Variants in NALCN observed in about 807,000 individuals in gnomAD.
NALCN encodes the protein sodium leak channel, non-selective.
In NALCN, 111 loss-of-function variants were observed where a neutral mutation model predicts 225.3. That is an observed-to-expected ratio of 0.49 (90% CI 0.42 to 0.58). The LOEUF (loss-of-function observed/expected upper bound fraction) is 0.58. Ranked by LOEUF, NALCN falls within the 20% of genes least tolerant of loss-of-function variation. The probability of loss-of-function intolerance (pLI) is 0.00; values close to 1 mark genes in which losing one functional copy is unlikely to be tolerated. For missense variants in NALCN, 1,378 were observed against 2,202.4 expected, an observed-to-expected ratio of 0.63 and a Z score of 7.49; for synonymous variants, 764 against 769.0, an observed-to-expected ratio of 0.99 and a Z score of 0.11.
chr13:101,294,557 T>C (rs12864212), intron 7 of NALCN, among the ~76,000 whole-genome samples: 1 of 147,870 alleles, frequency 6.8e-6, no homozygotes, highest in Non-Finnish European at 1.5e-5. Flanking sequence ...AAGTTTATTG[T>C]TTCTTTTTTT....
chr13:101,350,282 C>T (rs1190402172), intron 6 of NALCN, among the ~76,000 whole-genome samples: 1 of 152,130 alleles, frequency 6.6e-6, no homozygotes, highest in African/African-American at 2.4e-5. Flanking sequence ...CCCAAGTATC[C>T]CAGTGTCTGA....
intron 11 of NALCN, among the ~76,000 whole-genome samples, chr13:101,250,623 C>T (rs1044086122): frequency 6.6e-6 from 1 of 151,860 alleles, no homozygotes; most frequent in African/African-American, 2.4e-5. Context: ...TGAAAAAGCA[C>T]AACTTGAAAA....
chr13:101,140,495 A>G lies in NALCN; in HGVS notation c.2118+2585T>C, dbSNP rs910213009. 3.9e-5 allele frequency among the ~76,000 whole-genome samples: 6 copies of G among 152,194 alleles called. No individual in the cohort carries two copies. The South Asian group carries it at 1.0e-3, about 26-fold the overall frequency. On this transcript the variant is annotated intron_variant, in intron 17 of 43. Transcript: ENST00000251127. ...TCATGGTTTTGTGACTTTGGCCATAATGGAAATCAGCTCTCTATCCTCTTC... is the reference window on the plus strand; with the variant it reads ...TCATGGTTTTGTGACTTTGGCCATAGTGGAAATCAGCTCTCTATCCTCTTC...
chr13:101,226,928 C>T (rs1316860965), intron 13 of NALCN, among the ~76,000 whole-genome samples: 1 of 152,136 alleles, frequency 6.6e-6, no homozygotes, highest in Admixed American at 6.5e-5. Flanking sequence ...TTATGCTTCC[C>T]CTCCCTAGGT....
At chr13:101,203,015 T>C (rs2040184139) in intron 13 of NALCN, among the ~76,000 whole-genome samples, 2 of 152,336 alleles carry the variant, frequency 1.3e-5, no homozygotes, top group Admixed American at 6.5e-5. Context: ...TCAGCCGTCC[T>C]GAGACCAGCC....
chr13:101,324,125 G>T (rs2044856294), intron 7 of NALCN, among the ~76,000 whole-genome samples: 1 of 152,104 alleles, frequency 6.6e-6, no homozygotes, highest in Admixed American at 6.6e-5. Flanking sequence ...TACTGTGAAG[G>T]TTAGAATGGC....
intron 10 of NALCN, among the ~76,000 whole-genome samples, chr13:101,273,781 AGGCTG>A (rs1367499126): frequency 6.7e-6 from 1 of 148,660 alleles, no homozygotes; most frequent in Non-Finnish European, 1.5e-5. Context: ...GCAACTCGGG[AGGCTG>A]GGGCAGGAGA....
At chr13:101,299,869 A>G (rs2139087445) in intron 7 of NALCN, among the ~76,000 whole-genome samples, 1 of 152,294 alleles carries the variant, frequency 6.6e-6, no homozygotes, top group East Asian at 1.9e-4. Flanking sequence ...CAGTAGTGAG[A>G]TTGACTGTAA....
chr13:101,110,490 T>A, intron 20 of NALCN, 129 bp downstream of exon 20: 1 of 947,572 alleles, frequency 1.1e-6, no homozygotes. Flanking sequence ...GTTTCCTGAT[T>A]CCCTCTGGTA....
chr13:101,415,240 T>TATATATATACATACA (rs2047908875), intron 1 of NALCN, among the ~76,000 whole-genome samples: 4 of 145,070 alleles, frequency 2.8e-5, no homozygotes, highest in East Asian at 2.0e-4. Flanking sequence ...CATATATATT[T>TATATATATACATACA]CAAAATCGCC....
intron 3 of NALCN, among the ~76,000 whole-genome samples, chr13:101,382,975 C>T (rs1037160197): frequency 2.6e-5 from 4 of 152,130 alleles, no homozygotes; most frequent in Admixed American, 6.5e-5. Flanking sequence ...TACTTTTTGG[C>T]TCATGTTTCC....
chr13:101,284,159 T>C lies in NALCN; in HGVS notation c.1048-140A>G, dbSNP rs58096458. The C allele has an allele frequency of 1.4e-3, 874 of 639,822 alleles. 7 individuals carry two copies. The African/African-American group carries it at 0.015, about 11-fold the overall frequency. 39.6% of individuals were successfully genotyped at this position (639,822 alleles called of 1,614,324 possible). ...TATATTTGGAATGAAGTCATTTCAA[T>C]TATAGTTCTTTAACATTGAAAGCTT... On this transcript the variant is annotated intron_variant, in intron 9 of 43. Coordinates refer to ENST00000251127, the MANE Select transcript of NALCN (RefSeq NM_052867.4).
At chr13:101,341,764 A>G (rs921854193) in intron 7 of NALCN, among the ~76,000 whole-genome samples, 3 of 152,200 alleles carry the variant, frequency 2.0e-5, no homozygotes, top group African/African-American at 7.2e-5. Context: ...AATGGACAGA[A>G]TGCTGATGTT....
At chr13:101,406,980 C>A (rs1324321621) in intron 1 of NALCN, among the ~76,000 whole-genome samples, 2 of 152,038 alleles carry the variant, frequency 1.3e-5, no homozygotes, top group African/African-American at 4.8e-5. Flanking sequence ...AATATGAAAA[C>A]TAAAAAATAG....
At chr13:101,387,040 T>C (rs2047008103) in intron 3 of NALCN, among the ~76,000 whole-genome samples, 1 of 150,896 alleles carries the variant, frequency 6.6e-6, no homozygotes, top group African/African-American at 2.4e-5. Flanking sequence ...GCTAACAAGG[T>C]GAAACCCCGT....
At chr13:101,272,302 G>A (rs565772885) in intron 10 of NALCN, among the ~76,000 whole-genome samples, 5 of 152,322 alleles carry the variant, frequency 3.3e-5, no homozygotes, top group African/African-American at 9.6e-5. Context: ...TTGCGTGCAT[G>A]CGTGAGCATT....
At chr13:101,062,816 T>G (rs1215061446) in intron 40 of NALCN, among the ~76,000 whole-genome samples, 1 of 152,130 alleles carries the variant, frequency 6.6e-6, no homozygotes, top group African/African-American at 2.4e-5. Flanking sequence ...TTGGTCAAAC[T>G]GGTCTTAAAC....
chr13:101,236,672 C>A (rs2041565094), intron 12 of NALCN, among the ~76,000 whole-genome samples: 1 of 150,156 alleles, frequency 6.7e-6, no homozygotes, highest in Non-Finnish European at 1.5e-5. Flanking sequence ...GAACAAAAAA[C>A]CAAACACCGC....
At chr13:101,405,031 C>A (rs1316014129) in intron 1 of NALCN, among the ~76,000 whole-genome samples, 1 of 152,206 alleles carries the variant, frequency 6.6e-6, no homozygotes, top group African/African-American at 2.4e-5. Flanking sequence ...AATATTAATT[C>A]TTATTTCAAA....
Sources: allele counts gnomAD v4.1 joint callset (sites outside exome capture counted in the v4.1 genomes callset), GRCh38; gene constraint gnomAD v4.1.1; transcripts MANE v1.5; gene names NCBI Gene and HGNC (gene_info 2026-07-23, HGNC 2026-07-21).